Variants in LRRIQ3 observed in about 807,000 individuals in gnomAD.
LRRIQ3 encodes the protein leucine-rich repeat and IQ domain-containing protein 3.
A neutral mutation model predicts 59.3 loss-of-function variants in LRRIQ3; 75 were observed. The ratio of observed to expected loss-of-function variants is 1.26; its 90% confidence interval spans 1.05 to 1.53. The LOEUF (loss-of-function observed/expected upper bound fraction) is 1.53. LRRIQ3 is among the 40% of genes most tolerant of loss of function. The pLI, the probability that LRRIQ3 is intolerant of heterozygous loss-of-function variation, is 0.00. For synonymous variants in LRRIQ3, 250 were observed against 231.3 expected (o/e 1.08, Z -0.73); for missense variants, 831 against 710.0 (o/e 1.17, Z -1.94).
At chr1:74,156,401 G>A (rs1648329870) in intron 3 of LRRIQ3, among the ~76,000 whole-genome samples, 1 of 151,984 alleles carries the variant, frequency 6.6e-6, no homozygotes, top group Non-Finnish European at 1.5e-5. Flanking sequence ...CAATGAAACT[G>A]AGTAATAAAA....
intron 6 of LRRIQ3, among the ~76,000 whole-genome samples, chr1:74,059,347 C>CTTTTTTTTTTTTTT (rs1557597218): frequency 1.3e-5 from 2 of 151,792 alleles, no homozygotes; most frequent in African/African-American, 4.9e-5. Context: ...CTCCCATCTT[C>CTTTTTTTTTTTTTT]TCTTTTAAGA....
intron 4 of LRRIQ3, among the ~76,000 whole-genome samples, chr1:74,142,050 A>G (rs1405138204): frequency 1.3e-5 from 2 of 151,648 alleles, no homozygotes; most frequent in African/African-American, 4.8e-5. Flanking sequence ...TTATTCCTTG[A>G]TGGACATTTG....
chr1:74,124,716 A>G (rs771765873), intron 4 of LRRIQ3, among the ~76,000 whole-genome samples: 1 of 151,848 alleles, frequency 6.6e-6, no homozygotes, highest in African/African-American at 2.4e-5. Context: ...CCATTGTTCT[A>G]TATGTCTGTT....
chr1:74,172,984 A>C (rs1649419073), intron 3 of LRRIQ3, among the ~76,000 whole-genome samples: 1 of 152,110 alleles, frequency 6.6e-6, no homozygotes, highest in African/African-American at 2.4e-5. Flanking sequence ...TGCAGACAGC[A>C]TATAGTTGGG....
rs1289465842 is a variant in LRRIQ3 at position 74,087,725 on chromosome 1, A to ATT, written c.868-12937_868-12936dup. 2.0e-5 allele frequency among the ~76,000 whole-genome samples: 3 copies of ATT among 151,998 alleles called. No individual in the cohort carries two copies. In the East Asian group the frequency reaches 5.8e-4, roughly 29 times the overall value. On this transcript the variant is annotated intron_variant, in intron 5 of 7. Transcript: ENST00000354431. ...ACCTTTAAGTATATGAGCAAAACTG[A>ATT]TTTTTTAATTATAAAGACCATCATA... is the stretch of plus-strand genomic sequence containing the variant.
intron 6 of LRRIQ3, among the ~76,000 whole-genome samples, chr1:74,058,359 T>C (rs145978816): frequency 1.5e-4 from 23 of 152,232 alleles, no homozygotes; most frequent in African/African-American, 5.1e-4. Flanking sequence ...AAATGTGGTA[T>C]ATATACACAA....
chr1:74,142,899 G>A (rs764261513), intron 4 of LRRIQ3, among the ~76,000 whole-genome samples: 7 of 151,912 alleles, frequency 4.6e-5, no homozygotes, highest in Non-Finnish European at 8.8e-5. Context: ...CTTCCAGTAA[G>A]TCTAATGAGG....
In LRRIQ3 at chr1:74,026,947, G is replaced by T; in HGVS notation, c.1741C>A (p.His581Asn). 1 of 1,572,778 alleles carries T rather than the reference G, an allele frequency of 6.4e-7. No individual in the cohort carries two copies. The highest frequency in any genetic ancestry group is 8.7e-7 in the Non-Finnish European group (1 of 1,151,280). ...KVRSQEIYKR[H>N]CEEKFVMDMI... Reference sequence around the variant, plus strand: ...TCCATAACAAATTTTTCTTCACAATGTCTTTTATATATTTCTTGAGATCTA... The same window carrying T: ...TCCATAACAAATTTTTCTTCACAATTTCTTTTATATATTTCTTGAGATCTA... Residue 581 changes from histidine (H) to asparagine (N), a missense_variant, in exon 8 of 8, where the codon CAT becomes AAT. His to Asn is a moderately conservative substitution (Grantham distance 68). Transcript: ENST00000354431.
Position 74,183,429 on chromosome 1 carries a change from T to C in LRRIQ3, c.249+7A>G, listed in dbSNP as rs768577887. 4.5e-6 allele frequency: 7 copies of C among 1,556,266 alleles called. No homozygotes were observed. The Admixed American group carries it at 1.3e-4, about 29-fold the overall frequency. ...ATATGCAAATATCTGAAATGGCTAT[T>C]GCTTACCTGATTTCCATGGAGATCA... On this transcript the variant is annotated splice_region_variant and intron_variant, in intron 2 of 7. Coordinates refer to ENST00000354431, the MANE Select transcript of LRRIQ3 (RefSeq NM_001105659.2).
chr1:74,156,685 T>C (rs1273569145), intron 3 of LRRIQ3, among the ~76,000 whole-genome samples: 1 of 152,206 alleles, frequency 6.6e-6, no homozygotes, highest in Non-Finnish European at 1.5e-5. Flanking sequence ...TAATGTATAG[T>C]AGTTAAAAAT....
At position 74,088,532 on chromosome 1, in the gene LRRIQ3, T is replaced by C. The variant is rs192260275; in HGVS notation, c.868-13742A>G. 6.7e-3 allele frequency among the ~76,000 whole-genome samples: 1,014 copies of C among 152,142 alleles called. 8 individuals are homozygous for C. Among genetic ancestry groups the C allele is most frequent in the Middle Eastern group, 0.059 (17 of 290 alleles). On this transcript the variant is annotated intron_variant, in intron 5 of 7. Coordinates refer to ENST00000354431, the MANE Select transcript of LRRIQ3 (RefSeq NM_001105659.2). ...GGAATAAATCCTTCAATATAGTCAA[T>C]TGAATTCTGACAACAGTACCAAGAT...
rs1156913991 is a variant in LRRIQ3, at chr1:74,183,582, A to G, written c.103T>C (p.Phe35Leu). The G allele has an allele frequency of 1.2e-6, 2 of 1,611,962 alleles. No homozygotes were observed. Among genetic ancestry groups the G allele is most frequent in the African/African-American group, 2.7e-5 (2 of 74,846 alleles). ...ATAGACTTTAAATGAAGGCCATTGAACTTCACAAAAACAAAATCTTTTTGA... is the reference window on the plus strand; with the variant it reads ...ATAGACTTTAAATGAAGGCCATTGAGCTTCACAAAAACAAAATCTTTTTGA... ...EGQKDFVFVK[F>L]NGLHLKSMEN... Residue 35 changes from phenylalanine to leucine, a missense_variant, in exon 2 of 8, where the codon TTC (phenylalanine) becomes CTC (leucine). By Grantham distance (22) the Phe-to-Leu change is conservative. Transcript: ENST00000354431.
At position 74,138,492 on chromosome 1, in the gene LRRIQ3, G is replaced by A. The variant is rs1471003472; in HGVS notation, c.707+17241C>T. ...TCTGACCCAGAGTTCAGCTAGGCAT[G>A]TCAAGTTGAATGTCTGTTGTCTCAA... On this transcript the variant is annotated intron_variant, in intron 4 of 7. Transcript: ENST00000354431. The A allele has an allele frequency of 1.4e-5, 14 of 984,828 alleles. No individual in the cohort carries two copies. The Admixed American group carries it at 8.0e-4, about 56-fold the overall frequency. The allele number at this position is 984,828 out of a possible 1,614,324, so 61.0% of individuals were successfully genotyped here. A position where few individuals can be genotyped will look rare whatever the true frequency, so the allele number is the denominator to read the frequency against.
chr1:74,120,611 AT>A (rs1190208261), intron 4 of LRRIQ3, among the ~76,000 whole-genome samples: 1 of 151,994 alleles, frequency 6.6e-6, no homozygotes, highest in Non-Finnish European at 1.5e-5. Context: ...AATACATTAT[AT>A]AATAATCTAA....
At chr1:74,131,331 T>C (rs893924227) in intron 4 of LRRIQ3, among the ~76,000 whole-genome samples, 1 of 152,128 alleles carries the variant, frequency 6.6e-6, no homozygotes, top group African/African-American at 2.4e-5. Context: ...TCTGAAAATA[T>C]TCCAATCAAT....
intron 6 of LRRIQ3, among the ~76,000 whole-genome samples, chr1:74,064,105 G>A (rs547988754): frequency 6.6e-6 from 1 of 151,568 alleles, no homozygotes; most frequent in Admixed American, 6.6e-5. Context: ...TGCATATTTA[G>A]ATACTATATA....
intron 4 of LRRIQ3, among the ~76,000 whole-genome samples, chr1:74,119,203 C>T (rs556390022): frequency 6.6e-6 from 1 of 151,922 alleles, no homozygotes; most frequent in South Asian, 2.1e-4. Flanking sequence ...TCTCTTAAAT[C>T]CTTATAAGAA....
chr1:74,155,892 AT>A (rs752520992), intron 3 of LRRIQ3, 26 bp from the exon 4 acceptor site: 2 of 1,163,768 alleles, frequency 1.7e-6, no homozygotes, highest in African/African-American at 3.2e-5. Context: ...ATAATTAATA[AT>A]TTTTATCTTT....
At chr1:74,170,194 G>A (rs1026561958) in intron 3 of LRRIQ3, among the ~76,000 whole-genome samples, 18 of 152,164 alleles carry the variant, frequency 1.2e-4, no homozygotes, top group Non-Finnish European at 2.4e-4. Context: ...TAGTCTTAAT[G>A]GACTGTTTTT....
Sources: gnomAD v4.1 joint callset for allele counts (sites outside exome capture counted in the v4.1 genomes callset) on GRCh38, gnomAD v4.1.1 for gene constraint, MANE v1.5 for transcripts, NCBI Gene and HGNC (gene_info 2026-07-23, HGNC 2026-07-21) for gene names.